The following STK31 variants were observed in gnomAD, a reference collection of about 807,000 sequenced individuals.
STK31 encodes the protein serine/threonine kinase 31.
Under a neutral mutation model 129.7 loss-of-function variants are expected in STK31, and 89 were observed. The ratio of observed to expected loss-of-function variants is 0.69; its 90% CI spans 0.58 to 0.82. STK31 has a LOEUF of 0.82. Among genes scored for constraint, STK31 ranks in the 40% least tolerant of loss-of-function variants. STK31 has a pLI of 0.00. For missense variants in STK31, 1,187 were observed against 1,176.4 expected, an observed-to-expected ratio of 1.01 and a Z score of -0.13; for synonymous variants, 448 against 395.3, an observed-to-expected ratio of 1.13 and a Z score of -1.58.
chr7:23,792,682 A>G (rs1221917089), intron 22 of STK31, among the ~76,000 whole-genome samples: 1 of 152,218 alleles, frequency 6.6e-6, no homozygotes, highest in East Asian at 1.9e-4. Context: ...ACAAAATTGA[A>G]GGACCCAAAC....
At chr7:23,742,913 G>C (rs193245646) in intron 8 of STK31, among the ~76,000 whole-genome samples, 14 of 143,582 alleles carry the variant, frequency 9.8e-5, no homozygotes, top group Admixed American at 8.9e-4. Context: ...TTCCTTTCTT[G>C]TTTTACTTGT....
intron 22 of STK31, among the ~76,000 whole-genome samples, chr7:23,795,379 C>T (rs545152759): frequency 6.6e-6 from 1 of 152,328 alleles, no homozygotes; most frequent in Non-Finnish European, 1.5e-5. Flanking sequence ...GGAACTTCCA[C>T]CTAGATTTCA....
chr7:23,725,944 A>G (rs1787037525), intron 4 of STK31: 1 of 152,208 alleles, frequency 6.6e-6, no homozygotes, highest in East Asian at 1.9e-4. Context: ...TTACATGGTG[A>G]GAGAGGAAGC....
chr7:23,753,398 G>A (rs1483110499), intron 9 of STK31, among the ~76,000 whole-genome samples: 4 of 152,134 alleles, frequency 2.6e-5, no homozygotes, highest in Non-Finnish European at 5.9e-5. Context: ...CAATGCAAGG[G>A]TGTCATGTCC....
intron 6 of STK31, among the ~76,000 whole-genome samples, chr7:23,732,436 A>G (rs937234357): frequency 2.0e-5 from 3 of 152,194 alleles, no homozygotes; most frequent in African/African-American, 7.2e-5. Context: ...TATTTTTGGT[A>G]TAGTATTAAA....
rs1787671548 is a variant in STK31, at chr7:23,735,615, A to G, written c.561A>G (p.Thr187=). Reference sequence around the variant, plus strand: ...TTAAAGCAACCTCTGAAGATGGAACAGTTATTGCTCAGGCTGAGTATGGCA... The same window carrying G: ...TTAAAGCAACCTCTGAAGATGGAACGGTTATTGCTCAGGCTGAGTATGGCA... ...MRIKATSEDG[T]VIAQAEYGSV... The change falls in exon 7 of 24, where the codon ACA becomes ACG. Residue 187 remains threonine, a synonymous_variant. Coordinates refer to ENST00000355870, the MANE Select transcript of STK31 (RefSeq NM_031414.5). The G allele has an allele frequency of 5.6e-6, 9 of 1,614,042 alleles. No individual in the cohort carries two copies. The highest frequency in any genetic ancestry group is 7.6e-6 in the Non-Finnish European group (9 of 1,179,982).
intron 13 of STK31, among the ~76,000 whole-genome samples, chr7:23,770,261 G>C (rs1455615425): frequency 6.6e-6 from 1 of 152,066 alleles, no homozygotes; most frequent in Admixed American, 6.6e-5. Flanking sequence ...TTTAATTATT[G>C]CTCATTGGGA....
intron 9 of STK31, 150 bp from the exon 10 acceptor site, chr7:23,754,165 A>G (rs1404670335): frequency 1.1e-5 from 6 of 551,678 alleles, no homozygotes; most frequent in Non-Finnish European, 1.7e-5. Context: ...AATAAGTTAT[A>G]CATGATTTTA....
intron 22 of STK31, among the ~76,000 whole-genome samples, chr7:23,799,963 G>T (rs770311967): frequency 2.0e-5 from 3 of 152,088 alleles, no homozygotes; most frequent in Non-Finnish European, 2.9e-5. Flanking sequence ...ACATTTATGT[G>T]GCCAACAAGC....
chr7:23,751,720 A>T (rs1562571628), intron 8 of STK31, among the ~76,000 whole-genome samples: 1 of 152,026 alleles, frequency 6.6e-6, no homozygotes, highest in Admixed American at 6.6e-5. Context: ...AGATTTTGTG[A>T]TTTTTTTAAA....
Position 23,754,489 on chromosome 7 carries a change from T to G in STK31, c.1293+15T>G, listed in dbSNP as rs762090604. Reference sequence around the variant, plus strand: ...GTGAATATGTGGTGAGTTGGGAATTTTTCTCTATTGTGGTTTTTATCTGTT... The same window carrying G: ...GTGAATATGTGGTGAGTTGGGAATTGTTCTCTATTGTGGTTTTTATCTGTT... On this transcript the variant is annotated intron_variant, in intron 10 of 23. Coordinates refer to ENST00000355870, the MANE Select transcript of STK31 (RefSeq NM_031414.5). 3.7e-5 allele frequency: 60 copies of G among 1,601,834 alleles called. No individual in the cohort carries two copies. The highest frequency in any genetic ancestry group is 4.9e-5 in the Non-Finnish European group (58 of 1,176,720).
chr7:23,808,943 TTGTG>T (rs1554297249), intron 22 of STK31, among the ~76,000 whole-genome samples: 2 of 84,418 alleles, frequency 2.4e-5, no homozygotes, highest in African/African-American at 3.5e-5. Flanking sequence ...CTTGGAGCTT[TTGTG>T]TGTGTGTGTG....
At chr7:23,824,025 G>T (rs1020563907) in intron 23 of STK31, among the ~76,000 whole-genome samples, 1 of 152,180 alleles carries the variant, frequency 6.6e-6, no homozygotes, top group African/African-American at 2.4e-5. Flanking sequence ...TTGAAGTCAG[G>T]TAGCGTGATG....
intron 6 of STK31, among the ~76,000 whole-genome samples, chr7:23,732,866 A>G (rs1787513411): frequency 6.6e-6 from 1 of 152,170 alleles, no homozygotes; most frequent in Non-Finnish European, 1.5e-5. Context: ...ACTTTTGATA[A>G]TAAGAGTTGA....
At chr7:23,766,349 G>T (rs1789827730) in intron 11 of STK31, among the ~76,000 whole-genome samples, 1 of 152,056 alleles carries the variant, frequency 6.6e-6, no homozygotes, top group African/African-American at 2.4e-5. Flanking sequence ...TGCAACCTCT[G>T]GCTCCTGGGT....
At chr7:23,788,229 C>A in intron 21 of STK31, 100 bp downstream of exon 21, 2 of 1,056,608 alleles carry the variant, frequency 1.9e-6, no homozygotes, top group African/African-American at 1.6e-5. Flanking sequence ...ATTATAGGAT[C>A]TTTGTCTTCA....
chr7:23,724,459 C>T (rs965658783), intron 4 of STK31, among the ~76,000 whole-genome samples: 3 of 152,092 alleles, frequency 2.0e-5, no homozygotes, highest in African/African-American at 7.2e-5. Context: ...TTTAAAGTAG[C>T]GAGTTAGAGT....
chr7:23,786,780 C>CTAAAACATA (rs1791309469), intron 19 of STK31, 58 bp from the exon 20 acceptor site: 4 of 1,567,970 alleles, frequency 2.6e-6, no homozygotes, highest in Non-Finnish European at 3.5e-6. Flanking sequence ...TCAATGTATG[C>CTAAAACATA]TAAAAATATG....
At chr7:23,801,745 A>G (rs895593780) in intron 22 of STK31, among the ~76,000 whole-genome samples, 2 of 152,098 alleles carry the variant, frequency 1.3e-5, no homozygotes, top group Non-Finnish European at 2.9e-5. Context: ...GTCAGGGTTC[A>G]TGTTTTTGCA....
Sources: gnomAD v4.1 joint callset for allele counts (sites outside exome capture counted in the v4.1 genomes callset) on GRCh38, gnomAD v4.1.1 for gene constraint, MANE v1.5 for transcripts, NCBI Gene and HGNC (gene_info 2026-07-23, HGNC 2026-07-21) for gene names.